Variants in SPATA13 observed in about 807,000 individuals in gnomAD.
SPATA13 encodes spermatogenesis-associated protein 13.
A neutral mutation model predicts 104.0 loss-of-function variants in SPATA13; 50 were observed. That is an observed-to-expected ratio of 0.48 (90% CI 0.38 to 0.61). SPATA13 has a LOEUF of 0.61. Ranked by LOEUF, SPATA13 falls within the 20% of genes least tolerant of loss-of-function variation. The pLI, the probability that SPATA13 is intolerant of heterozygous loss-of-function variation, is 0.00. For missense variants in SPATA13, 1,524 were observed against 1,690.6 expected (o/e 0.90, Z 1.73); for synonymous variants, 606 against 667.5 (o/e 0.91, Z 1.42).
chr13:24,217,632 A>C (rs978772923), intron 1 of SPATA13, among the ~76,000 whole-genome samples: 1 of 152,256 alleles, frequency 6.6e-6, no homozygotes. Context: ...TATTTCAAAC[A>C]GAGAATCTAA....
intron 3 of SPATA13, among the ~76,000 whole-genome samples, chr13:24,042,950 C>T (rs1178033122): frequency 6.6e-6 from 1 of 152,174 alleles, no homozygotes; most frequent in African/African-American, 2.4e-5. Flanking sequence ...ATAAAAATAC[C>T]TCCGTAAATA....
intron 1 of SPATA13, among the ~76,000 whole-genome samples, chr13:24,188,056 C>T (rs1279860131): frequency 1.3e-5 from 2 of 152,116 alleles, no homozygotes; most frequent in Admixed American, 1.3e-4. Context: ...AAGTGATACT[C>T]CAGGCCAGGC....
At chr13:24,138,718 G>C (rs997142754) in intron 3 of SPATA13, among the ~76,000 whole-genome samples, 1 of 151,488 alleles carries the variant, frequency 6.6e-6, no homozygotes, top group African/African-American at 2.4e-5. Context: ...TGAGTAACTG[G>C]GACTACAGGC....
intron 4 of SPATA13, among the ~76,000 whole-genome samples, chr13:24,267,783 C>G (rs1272180973): frequency 2.0e-5 from 3 of 152,172 alleles, no homozygotes; most frequent in African/African-American, 7.2e-5. Flanking sequence ...TCAAGCCCAC[C>G]CATTCATTCC....
At chr13:23,998,606 T>A (rs1875803130) in intron 2 of SPATA13, among the ~76,000 whole-genome samples, 1 of 152,232 alleles carries the variant, frequency 6.6e-6, no homozygotes, top group South Asian at 2.1e-4. Context: ...TGTTTTCTTT[T>A]AGGGATCGTG....
At chr13:24,277,460 AAAG>A (rs56085171) in intron 4 of SPATA13, among the ~76,000 whole-genome samples, 53,103 of 110,370 alleles carry the variant, frequency 0.48, 12,383 homozygotes, top group Non-Finnish European at 0.6. Context: ...AAAAAAAAAA[AAAG>A]AAGAAGTTCA....
chr13:24,220,958 G>GA (rs1432888167), intron 1 of SPATA13, among the ~76,000 whole-genome samples: 2 of 152,220 alleles, frequency 1.3e-5, no homozygotes, highest in East Asian at 3.8e-4. Context: ...CTGATCTCAA[G>GA]ATCTTTAAAA....
At chr13:24,049,370 G>A (rs1034261533) in intron 3 of SPATA13, among the ~76,000 whole-genome samples, 6 of 152,194 alleles carry the variant, frequency 3.9e-5, no homozygotes, top group East Asian at 1.9e-4. Context: ...GTACAGTAAC[G>A]TGTGCAGGTT....
At chr13:24,084,742 C>A (rs1879664227) in intron 3 of SPATA13, among the ~76,000 whole-genome samples, 1 of 152,174 alleles carries the variant, frequency 6.6e-6, no homozygotes, top group South Asian at 2.1e-4. Context: ...TGAAGTGGCG[C>A]AGTGCAGTGG....
intron 3 of SPATA13, among the ~76,000 whole-genome samples, chr13:24,139,800 G>A (rs1032678920): frequency 3.9e-5 from 6 of 152,174 alleles, no homozygotes; most frequent in Non-Finnish European, 7.3e-5. Flanking sequence ...GGGCGCGGTG[G>A]CTCACGTCTG....
chr13:24,041,614 G>C (rs537136598), intron 3 of SPATA13, among the ~76,000 whole-genome samples: 1 of 152,198 alleles, frequency 6.6e-6, no homozygotes, highest in Admixed American at 6.5e-5. Context: ...TTAAGGAAAT[G>C]TTTTCTTTTC....
At chr13:24,123,148 T>C in intron 3 of SPATA13, 1 of 1,117,240 alleles carries the variant, frequency 9.0e-7, no homozygotes, top group Non-Finnish European at 1.4e-6. Flanking sequence ...TCTGTTTCTC[T>C]GATAATATGA....
At chr13:24,040,453 C>T (rs1877876939) in intron 3 of SPATA13, among the ~76,000 whole-genome samples, 1 of 152,106 alleles carries the variant, frequency 6.6e-6, no homozygotes, top group Non-Finnish European at 1.5e-5. Context: ...ATTCACAGCA[C>T]CGCCCTTGAC....
At chr13:24,160,957 T>G (rs1882449794) in intron 1 of SPATA13, 25 bp downstream of exon 1, 1 of 984,938 alleles carries the variant, frequency 1.0e-6, no homozygotes, top group East Asian at 1.1e-4. Flanking sequence ...GGCGCGCGGC[T>G]CTGCCGGGCG....
At position 24,249,940 on chromosome 13, in the gene SPATA13, C is replaced by T. The variant is rs114778684; in HGVS notation, c.2019+98C>T. ...TAAACTGGATCTGCTTTTTCTCTCCCGTTCTCAAGGGCGGCACCATGTACT... is the reference window on the plus strand; with the variant it reads ...TAAACTGGATCTGCTTTTTCTCTCCTGTTCTCAAGGGCGGCACCATGTACT... On this transcript the variant is annotated intron_variant, in intron 3 of 12. Transcript: ENST00000382108. 1.1e-4 allele frequency: 158 copies of T among 1,471,658 alleles called. 2 individuals carry two copies. In the African/African-American group the frequency reaches 1.6e-3, roughly 15 times the overall value. 91.2% of individuals were successfully genotyped at this position (1,471,658 alleles called of 1,614,324 possible).
At chr13:23,987,007 GT>G (rs1222412583) in intron 2 of SPATA13, among the ~76,000 whole-genome samples, 1 of 140,028 alleles carries the variant, frequency 7.1e-6, no homozygotes, top group Non-Finnish European at 1.6e-5. Context: ...ATATCTGTGT[GT>G]GTGTGTGTGT....
chr13:24,162,464 G>GAATGTCTGCA (rs1882544002), intron 1 of SPATA13: 1 of 155,828 alleles, frequency 6.4e-6, no homozygotes, highest in African/African-American at 2.4e-5. Flanking sequence ...CTTTCTCTCC[G>GAATGTCTGCA]AATGTCTGCA....
intron 3 of SPATA13, among the ~76,000 whole-genome samples, chr13:24,125,304 G>C (rs75667787): frequency 0.019 from 2,867 of 152,288 alleles, 73 homozygotes; most frequent in African/African-American, 0.065. Context: ...CCTTGACTTA[G>C]AGTAGGGAAA....
At chr13:24,158,428 C>G (rs1882326379), upstream of SPATA13, among the ~76,000 whole-genome samples, 1 of 152,184 alleles carries the variant, frequency 6.6e-6, no homozygotes, top group Non-Finnish European at 1.5e-5. Flanking sequence ...TTAGCTATTG[C>G]TCGTCCTAAT....
Sources: allele counts gnomAD v4.1 joint callset (sites outside exome capture counted in the v4.1 genomes callset), GRCh38; gene constraint gnomAD v4.1.1; transcripts MANE v1.5; gene names NCBI Gene and HGNC (gene_info 2026-07-23, HGNC 2026-07-21).